Variants in ABI3BP observed in about 807,000 individuals in gnomAD.
ABI3BP encodes target of Nesh-SH3.
ABI3BP carries 216 observed loss-of-function variants against 268.6 expected under a neutral mutation model. The observed-to-expected ratio is 0.80, with a 90% CI of 0.72 to 0.90. The LOEUF (loss-of-function observed/expected upper bound fraction) is 0.90, where lower values mean the gene tolerates loss of function less well. Ranked by LOEUF, ABI3BP falls within the 40% of genes least tolerant of loss-of-function variation. ABI3BP has a pLI of 0.00. For synonymous variants in ABI3BP, 730 were observed against 730.0 expected, an observed-to-expected ratio of 1.00 and a Z score of 0.00; for missense variants, 2,090 against 2,182.4, an observed-to-expected ratio of 0.96 and a Z score of 0.84.
Position 100,842,007 on chromosome 3 carries a change from A to G in ABI3BP, c.1756T>C (p.Ser586Pro). 1 of 1,534,358 alleles carries G rather than the reference A, an allele frequency of 6.5e-7. No homozygotes were observed. The highest frequency in any genetic ancestry group is 8.7e-7 in the Non-Finnish European group (1 of 1,145,418). The stretch of plus-strand genomic sequence containing the variant: ...AAAAAAGCTTTATTACCTATTGTTG[A>G]CTGTGATGGCAGTAGAGTCTGAGGT... ...PEPQTLLPSQ[S>P]TIGPETPGTK... The change falls in exon 21 of 68, where the codon TCA becomes CCA. Residue 586 changes from serine (S) to proline (P), a missense_variant. Transcript: ENST00000471714.
At chr3:100,802,076 G>T (rs2097550611) in intron 51 of ABI3BP, among the ~76,000 whole-genome samples, 2 of 152,038 alleles carry the variant, frequency 1.3e-5, no homozygotes, top group Non-Finnish European at 2.9e-5. Context: ...AAACAATAAG[G>T]CTCAATTTTT....
In ABI3BP at chr3:100,775,253, C is replaced by T. The variant is rs1419903389; in HGVS notation, c.4416G>A (p.Glu1472=). 3 of 1,611,338 alleles carry T rather than the reference C, an allele frequency of 1.9e-6. No individual in the cohort carries two copies. Among genetic ancestry groups the T allele is most frequent in the Non-Finnish European group, 2.5e-6 (3 of 1,178,696 alleles). The change falls in exon 60 of 68, where the codon GAG becomes GAA. Residue 1472 remains glutamate (E), a synonymous_variant. Transcript: ENST00000471714. ...RPTGTPLERI[E]TDIKQPTVPA... The stretch of plus-strand genomic sequence containing the variant: ...GAACTGTTGGTTGCTTTATATCTGT[C>T]TCTATTCTCTCCAAGGGAGTTCCAG...
At chr3:100,773,077 C>CAAAAAA (rs563600769) in intron 61 of ABI3BP, among the ~76,000 whole-genome samples, 3 of 58,090 alleles carry the variant, frequency 5.2e-5, no homozygotes, top group African/African-American at 1.3e-4. Context: ...GAGTCCATCT[C>CAAAAAA]AAAAAAAAAA....
chr3:100,903,777 T>C (rs970672900), intron 2 of ABI3BP, among the ~76,000 whole-genome samples: 2 of 152,216 alleles, frequency 1.3e-5, no homozygotes, highest in African/African-American at 4.8e-5. Context: ...GCCTTTGTCT[T>C]TTTCTGGACA....
chr3:100,884,286 G>A (rs1421443912), intron 6 of ABI3BP, among the ~76,000 whole-genome samples: 4 of 150,572 alleles, frequency 2.7e-5, no homozygotes, highest in East Asian at 3.9e-4. Flanking sequence ...AAAAGAGAGC[G>A]AGAAAAAAAA....
intron 50 of ABI3BP, 65 bp from the exon 51 acceptor site, chr3:100,804,931 T>A (rs2097659324): frequency 1.5e-6 from 2 of 1,303,952 alleles, no homozygotes; most frequent in Non-Finnish European, 2.2e-6. Context: ...GCTTAAAACA[T>A]AAGACATGTC....
chr3:100,803,628 T>C (rs2097598052), intron 51 of ABI3BP, among the ~76,000 whole-genome samples: 1 of 113,798 alleles, frequency 8.8e-6, no homozygotes, highest in African/African-American at 2.6e-5. Flanking sequence ...ATTATACTAA[T>C]ATTATTTTTT....
intron 1 of ABI3BP, among the ~76,000 whole-genome samples, chr3:100,990,914 G>A (rs1476910301): frequency 6.6e-6 from 1 of 152,150 alleles, no homozygotes; most frequent in Non-Finnish European, 1.5e-5. Context: ...TAGGTCAGTG[G>A]TTTCCAAATA....
At chr3:100,859,171 C>T (rs2098969744) in intron 14 of ABI3BP, among the ~76,000 whole-genome samples, 2 of 152,082 alleles carry the variant, frequency 1.3e-5, no homozygotes, top group African/African-American at 4.8e-5. Context: ...TAAATTTGTT[C>T]AACTACAAGT....
At chr3:100,967,503 CAAA>C (rs5851238) in intron 1 of ABI3BP, among the ~76,000 whole-genome samples, 27 of 114,046 alleles carry the variant, frequency 2.4e-4, no homozygotes, top group Non-Finnish European at 2.6e-4. Context: ...GACTCCATCT[CAAA>C]AAAAAAAAAA....
At chr3:100,906,453 G>T (rs1207314871) in intron 2 of ABI3BP, among the ~76,000 whole-genome samples, 1 of 152,166 alleles carries the variant, frequency 6.6e-6, no homozygotes, top group Non-Finnish European at 1.5e-5. Context: ...GGAAAAATAA[G>T]ACTCAAGAGT....
At chr3:100,915,995 G>A (rs950823616) in intron 2 of ABI3BP, among the ~76,000 whole-genome samples, 2 of 152,172 alleles carry the variant, frequency 1.3e-5, no homozygotes, top group African/African-American at 2.4e-5. Flanking sequence ...TAGCAGACCT[G>A]TTAGGCATTA....
In ABI3BP at chr3:100,838,387, G is replaced by T. The variant is rs1245975133; in HGVS notation, c.2008+15C>A. On this transcript the variant is annotated intron_variant, in intron 25 of 67. Transcript: ENST00000471714. ...TTTCCTATTTATAGATCAAGGCATT[G>T]AAAGTAATGATTACCAGGCTGAATT... The T allele has an allele frequency of 6.5e-7, 1 of 1,534,760 alleles. No homozygotes were observed. The highest frequency in any genetic ancestry group is 2.0e-5 in the Admixed American group (1 of 50,978).
chr3:100,906,161 T>C lies in ABI3BP; in HGVS notation c.260-3475A>G, dbSNP rs75190731. Reference sequence around the variant, plus strand: ...CTTCATATGGATTAATTATGCCTAATGCCTAGAGGTTTTTAAAGAAAGACC... The same window carrying C: ...CTTCATATGGATTAATTATGCCTAACGCCTAGAGGTTTTTAAAGAAAGACC... On this transcript the variant is annotated intron_variant, in intron 2 of 67. Transcript: ENST00000471714. 1.3e-3 allele frequency among the ~76,000 whole-genome samples: 196 copies of C among 152,322 alleles called. 5 individuals carry two copies. The East Asian group carries it at 0.036, about 28-fold the overall frequency.
In ABI3BP at chr3:100,933,463, T is replaced by G. The variant is rs2064508699; in HGVS notation, c.80-6982A>C. ...TTTCATTATACAAAATCAAATTTTCTAAGATATCAAAATAATAAAGTCAAT... is the reference window on the plus strand; with the variant it reads ...TTTCATTATACAAAATCAAATTTTCGAAGATATCAAAATAATAAAGTCAAT... On this transcript the variant is annotated intron_variant, in intron 1 of 67. Coordinates refer to ENST00000471714, the MANE Select transcript of ABI3BP (RefSeq NM_001375547.2). Among the ~76,000 whole-genome samples, 4 of 151,828 alleles carry G rather than the reference T, an allele frequency of 2.6e-5. No individual in the cohort carries two copies. In the South Asian group the frequency reaches 8.3e-4, roughly 31 times the overall value.
intron 1 of ABI3BP, among the ~76,000 whole-genome samples, chr3:100,975,376 G>A (rs574534432): frequency 6.6e-6 from 1 of 152,166 alleles, no homozygotes; most frequent in African/African-American, 2.4e-5. Flanking sequence ...CACTTTAGAA[G>A]GGAGCCCCAG....
chr3:100,911,752 G>A lies in ABI3BP; in HGVS notation c.260-9066C>T, dbSNP rs150076148. 5.4e-5 allele frequency: 51 copies of A among 947,186 alleles called. No homozygotes were observed. In the African/African-American group the frequency reaches 6.9e-4, roughly 13 times the overall value. The allele number at this position is 947,186 out of a possible 1,614,324, so 58.7% of individuals were successfully genotyped here. Reference sequence around the variant, plus strand: ...GGTTTCAAGGCATGTTTCAGTCGATGAGTAGCGTAGCTTTCTGTTATTATA... The same window carrying A: ...GGTTTCAAGGCATGTTTCAGTCGATAAGTAGCGTAGCTTTCTGTTATTATA... On this transcript the variant is annotated intron_variant, in intron 2 of 67. Transcript: ENST00000471714.
Position 100,824,792 on chromosome 3 carries a change from C to A in ABI3BP, c.2746+66G>T, listed in dbSNP as rs527623571. ...GACCTGTTGCTGCTCAGCATTGACA[C>A]TGCTTCAGTCCCCACTGCGACAGGC... On this transcript the variant is annotated intron_variant, in intron 36 of 67. Coordinates refer to ENST00000471714, the MANE Select transcript of ABI3BP (RefSeq NM_001375547.2). 91 of 1,362,372 alleles carry A rather than the reference C, an allele frequency of 6.7e-5. No homozygotes were observed. In the African/African-American group the frequency reaches 1.2e-3, roughly 18 times the overall value. 84.4% of individuals were successfully genotyped at this position (1,362,372 alleles called of 1,614,324 possible).
chr3:100,974,412 C>T (rs928623282), intron 1 of ABI3BP, among the ~76,000 whole-genome samples: 11 of 152,158 alleles, frequency 7.2e-5, no homozygotes, highest in Non-Finnish European at 1.3e-4. Flanking sequence ...TGAAATTCTA[C>T]TCAACCAGTA....
Sources: allele counts gnomAD v4.1 joint callset (sites outside exome capture counted in the v4.1 genomes callset), GRCh38; gene constraint gnomAD v4.1.1; transcripts MANE v1.5; gene names NCBI Gene and HGNC (gene_info 2026-07-23, HGNC 2026-07-21).